The following CNTNAP2 variants were observed in gnomAD, a reference collection of about 807,000 sequenced individuals.
CNTNAP2 encodes the protein contactin associated protein 2, also known as contactin-associated protein-like 2.
CNTNAP2 carries 98 observed loss-of-function variants against 155.2 expected under a neutral mutation model. That is an observed-to-expected ratio of 0.63 (90% CI 0.54 to 0.75). The LOEUF (loss-of-function observed/expected upper bound fraction) is 0.75, where lower values mean the gene tolerates loss of function less well. Among genes scored for constraint, CNTNAP2 ranks in the 30% least tolerant of loss-of-function variants. CNTNAP2 has a pLI of 0.00. For missense variants in CNTNAP2, 1,727 were observed against 1,688.1 expected (o/e 1.02, Z -0.40); for synonymous variants, 651 against 631.2 (o/e 1.03, Z -0.47).
intron 15 of CNTNAP2, among the ~76,000 whole-genome samples, chr7:147,991,888 C>T (rs1011122721): frequency 2.0e-5 from 3 of 152,080 alleles, no homozygotes; most frequent in Admixed American, 2.0e-4. Flanking sequence ...ATGATACCTA[C>T]TTGGCTTTCC....
intron 8 of CNTNAP2, among the ~76,000 whole-genome samples, chr7:147,294,384 C>A (rs1473718768): frequency 1.3e-5 from 2 of 152,156 alleles, no homozygotes; most frequent in African/African-American, 4.8e-5. Context: ...TTTGCCCTAA[C>A]TTTGTGAATC....
At chr7:147,171,312 A>G (rs1363860842) in intron 8 of CNTNAP2, among the ~76,000 whole-genome samples, 9 of 152,144 alleles carry the variant, frequency 5.9e-5, no homozygotes, top group Admixed American at 5.9e-4. Flanking sequence ...TTCTCTCTGA[A>G]GATCTTTTTA....
intron 10 of CNTNAP2, among the ~76,000 whole-genome samples, chr7:147,451,917 G>A (rs1005162444): frequency 4.6e-5 from 7 of 152,176 alleles, no homozygotes; most frequent in East Asian, 1.9e-4. Context: ...ACCTCTTGCC[G>A]TCTCTTGCTC....
chr7:147,780,313 A>C (rs1014565520), intron 13 of CNTNAP2, among the ~76,000 whole-genome samples: 16 of 152,224 alleles, frequency 1.1e-4, no homozygotes, highest in Admixed American at 3.3e-4. Context: ...TGGCTGCTTC[A>C]CTATATACAG....
rs530597402 is a variant in CNTNAP2 at position 147,986,260 on chromosome 7, G to A, written c.2383+8271G>A. ...AATACATTCGATTTACTTGGGTTTGGTCTTCAGCCCTCATGCTTTTGCAAC... is the reference window on the plus strand; with the variant it reads ...AATACATTCGATTTACTTGGGTTTGATCTTCAGCCCTCATGCTTTTGCAAC... On this transcript the variant is annotated intron_variant, in intron 15 of 23. Transcript: ENST00000361727. Among the ~76,000 whole-genome samples, 8 of 152,234 alleles carry A rather than the reference G, an allele frequency of 5.3e-5. No individual in the cohort carries two copies. The South Asian group carries it at 1.5e-3, about 28-fold the overall frequency.
intron 18 of CNTNAP2, among the ~76,000 whole-genome samples, chr7:148,203,600 C>T (rs1795400782): frequency 6.6e-6 from 1 of 152,054 alleles, no homozygotes; most frequent in African/African-American, 2.4e-5. Flanking sequence ...CAAAAATTAG[C>T]TGGAGGTGTT....
At chr7:146,343,770 T>A (rs1457517302) in intron 1 of CNTNAP2, among the ~76,000 whole-genome samples, 1 of 152,156 alleles carries the variant, frequency 6.6e-6, no homozygotes, top group Non-Finnish European at 1.5e-5. Context: ...TATTGCTTAT[T>A]TTTTAATAGC....
chr7:147,774,808 T>C (rs1490454838), intron 13 of CNTNAP2, among the ~76,000 whole-genome samples: 2 of 152,134 alleles, frequency 1.3e-5, no homozygotes, highest in Non-Finnish European at 2.9e-5. Context: ...TTACAGCACC[T>C]GAAGGGGACT....
intron 10 of CNTNAP2, among the ~76,000 whole-genome samples, chr7:147,439,071 T>G (rs1262934854): frequency 6.6e-6 from 1 of 152,090 alleles, no homozygotes; most frequent in South Asian, 2.1e-4. Context: ...ATTGTTTTCT[T>G]CATTTCAATC....
intron 18 of CNTNAP2, among the ~76,000 whole-genome samples, chr7:148,211,339 A>T (rs1184167550): frequency 1.3e-5 from 2 of 152,168 alleles, no homozygotes; most frequent in African/African-American, 4.8e-5. Context: ...GGAGTAAGCA[A>T]ATATTAAAGG....
At chr7:147,097,557 G>A (rs1198434593) in intron 4 of CNTNAP2, 3 of 152,266 alleles carry the variant, frequency 2.0e-5, no homozygotes, top group East Asian at 1.9e-4. Context: ...ACCATCAGAC[G>A]TTGTGAGACT....
chr7:147,965,513 A>G (rs1385121244), intron 14 of CNTNAP2, among the ~76,000 whole-genome samples: 1 of 151,378 alleles, frequency 6.6e-6, no homozygotes, highest in Non-Finnish European at 1.5e-5. Context: ...TGTCCCGTCC[A>G]CCGATGATCT....
chr7:148,347,184 G>A (rs906584260), intron 21 of CNTNAP2, among the ~76,000 whole-genome samples: 5 of 151,840 alleles, frequency 3.3e-5, no homozygotes, highest in African/African-American at 1.2e-4. Context: ...CTGAACCCGG[G>A]AAGTGGAGAT....
chr7:146,399,792 C>A, intron 1 of CNTNAP2, among the ~76,000 whole-genome samples: 1 of 152,094 alleles, frequency 6.6e-6, no homozygotes, highest in East Asian at 1.9e-4. Flanking sequence ...TAACAGTGTA[C>A]AGGGCTCCCC....
intron 1 of CNTNAP2, among the ~76,000 whole-genome samples, chr7:146,353,048 C>G (rs745815151): frequency 6.6e-6 from 1 of 152,206 alleles, no homozygotes; most frequent in East Asian, 1.9e-4. Flanking sequence ...GCCACCGCGC[C>G]CGGCCAGGGG....
intron 1 of CNTNAP2, among the ~76,000 whole-genome samples, chr7:146,230,459 A>C (rs1263265865): frequency 6.6e-6 from 1 of 152,182 alleles, no homozygotes; most frequent in Non-Finnish European, 1.5e-5. Context: ...TCAGCACCTT[A>C]ATGTATGTTG....
chr7:146,836,441 T>G (rs1803619012), intron 2 of CNTNAP2, among the ~76,000 whole-genome samples: 1 of 152,196 alleles, frequency 6.6e-6, no homozygotes. Context: ...ATACATAGTA[T>G]TTAACCTTTT....
At chr7:148,020,500 C>T (rs960602614) in intron 15 of CNTNAP2, among the ~76,000 whole-genome samples, 1 of 152,304 alleles carries the variant, frequency 6.6e-6, no homozygotes, top group Non-Finnish European at 1.5e-5. Flanking sequence ...ATCATATTCT[C>T]ACTCTGCTGA....
chr7:147,011,380 C>T (rs1156588757), intron 3 of CNTNAP2, among the ~76,000 whole-genome samples: 5 of 131,872 alleles, frequency 3.8e-5, no homozygotes, highest in Admixed American at 8.5e-5. Context: ...GATTGCACCA[C>T]TTCACTCCAG....
Sources: gnomAD v4.1 joint callset for allele counts (sites outside exome capture counted in the v4.1 genomes callset) on GRCh38, gnomAD v4.1.1 for gene constraint, MANE v1.5 for transcripts, NCBI Gene and HGNC (gene_info 2026-07-23, HGNC 2026-07-21) for gene names.